Variants in EFCAB6 observed in about 807,000 individuals in gnomAD.
EFCAB6 encodes EF-hand calcium binding domain 6.
In EFCAB6, 156 loss-of-function variants were observed where a neutral mutation model predicts 169.8. That is an observed-to-expected ratio of 0.92 (90% CI 0.81 to 1.05). EFCAB6 has a LOEUF of 1.05. Among genes scored for constraint, EFCAB6 ranks in the 50% least tolerant of loss-of-function variants. The pLI is 0.00. For missense variants in EFCAB6, 1,800 were observed against 1,829.1 expected (o/e 0.98, Z 0.29); for synonymous variants, 698 against 676.4 (o/e 1.03, Z -0.50).
At chr22:43,595,138 G>T (rs142986262) in intron 23 of EFCAB6, among the ~76,000 whole-genome samples, 10 of 151,582 alleles carry the variant, frequency 6.6e-5, no homozygotes, top group East Asian at 5.8e-4. Flanking sequence ...GTGCTAAGAG[G>T]GACATGTATA....
intron 23 of EFCAB6, among the ~76,000 whole-genome samples, chr22:43,590,871 C>A (rs1486091155): frequency 6.6e-6 from 1 of 151,932 alleles, no homozygotes; most frequent in African/African-American, 2.4e-5. Flanking sequence ...ACAGCCAGTG[C>A]CAAGGCCCTA....
At chr22:43,719,865 G>C (rs1020156685) in intron 8 of EFCAB6, among the ~76,000 whole-genome samples, 1 of 152,194 alleles carries the variant, frequency 6.6e-6, no homozygotes, top group African/African-American at 2.4e-5. Context: ...TCATGGAAGA[G>C]CAGTATCAAT....
In EFCAB6 at chr22:43,576,475, A is replaced by G; in HGVS notation, c.3242T>C (p.Leu1081Ser). The change falls in exon 26 of 32, where the codon TTG (leucine) becomes TCG (serine). Residue 1081 changes from leucine (L) to serine (S), a missense_variant. Transcript: ENST00000262726. ...TACAAATCCTGTATCCTCTTTATCC[A>G]ATGCAGAAAATGCCTAAAAAGAAAG... Reference protein sequence around the residue: ...QLALSTAFSALDKEDTGFVKA... With the variant: ...QLALSTAFSASDKEDTGFVKA... 6.5e-7 allele frequency: 1 copy of G among 1,535,608 alleles called. No homozygotes were observed. The highest frequency in any genetic ancestry group is 8.7e-7 in the Non-Finnish European group (1 of 1,149,612).
At chr22:43,798,865 C>T (rs1279600841) in intron 2 of EFCAB6, among the ~76,000 whole-genome samples, 1 of 152,216 alleles carries the variant, frequency 6.6e-6, no homozygotes, top group African/African-American at 2.4e-5. Flanking sequence ...TCTTCTGCCT[C>T]TCTGCATCCC....
chr22:43,761,030 G>A (rs1357658666), intron 5 of EFCAB6, among the ~76,000 whole-genome samples: 2 of 152,170 alleles, frequency 1.3e-5, no homozygotes, highest in African/African-American at 4.8e-5. Context: ...CTTCTTGATT[G>A]ACACACAGGT....
At chr22:43,743,899 G>GATGC (rs1191611248) in intron 6 of EFCAB6, among the ~76,000 whole-genome samples, 3 of 150,684 alleles carry the variant, frequency 2.0e-5, no homozygotes, top group African/African-American at 7.3e-5. Flanking sequence ...TGGATGGATG[G>GATGC]ATGGGTGGGT....
intron 6 of EFCAB6, among the ~76,000 whole-genome samples, chr22:43,741,391 C>G (rs2060364959): frequency 6.6e-6 from 1 of 152,186 alleles, no homozygotes. Context: ...ATGCACCAAG[C>G]TTGCTCATGC....
chr22:43,749,629 C>T (rs969934728), intron 6 of EFCAB6, among the ~76,000 whole-genome samples: 3 of 152,142 alleles, frequency 2.0e-5, no homozygotes, highest in African/African-American at 7.2e-5. Flanking sequence ...AGGCGGAGCT[C>T]AGGCGGTGAT....
chr22:43,733,296 A>G (rs1378775759), intron 7 of EFCAB6, among the ~76,000 whole-genome samples: 3 of 152,232 alleles, frequency 2.0e-5, no homozygotes, highest in Non-Finnish European at 4.4e-5. Flanking sequence ...CACCACCTGG[A>G]ACTGGGTTTC....
In EFCAB6 at chr22:43,765,293, CCAAA is replaced by C; in HGVS notation, c.440+8_440+11del. 1 of 1,604,392 alleles carries C rather than the reference CCAAA, an allele frequency of 6.2e-7. No homozygotes were observed. The highest frequency in any genetic ancestry group is 8.5e-7 in the Non-Finnish European group (1 of 1,172,188). On this transcript the variant is annotated splice_region_variant and intron_variant, in intron 5 of 31. Transcript: ENST00000262726. ...AATTTCACATTTTCACATGAGCAAA[CCAAA>C]CACTTACCTCTTTATACCATTTATA...
At chr22:43,601,759 C>T (rs116437976) in intron 22 of EFCAB6, among the ~76,000 whole-genome samples, 3 of 152,364 alleles carry the variant, frequency 2.0e-5, no homozygotes, top group African/African-American at 4.8e-5. Context: ...TGTTGCTTCA[C>T]GCACTTGTGC....
At chr22:43,644,288 G>T (rs962901529) in intron 17 of EFCAB6, among the ~76,000 whole-genome samples, 3 of 152,106 alleles carry the variant, frequency 2.0e-5, no homozygotes, top group Non-Finnish European at 4.4e-5. Flanking sequence ...ACATATTAGT[G>T]GTCAGGGGAG....
In EFCAB6 at chr22:43,744,416, A is replaced by G. The variant is rs1456173143; in HGVS notation, c.508-8423T>C. On this transcript the variant is annotated intron_variant, in intron 6 of 31. Transcript: ENST00000262726. The surrounding 1 kb of genome is among the most constrained non-coding windows in gnomAD (Gnocchi z 4.3). ...TACCTGGGAAGAGGAACTGAGACTC[A>G]GACAGACACAGCAGAGCAAGGCAGA... Among the ~76,000 whole-genome samples, 1 of 152,240 alleles carries G rather than the reference A, an allele frequency of 6.6e-6. No homozygotes were observed. Among genetic ancestry groups the G allele is most frequent in the Non-Finnish European group, 1.5e-5 (1 of 68,046 alleles).
At chr22:43,576,610 A>G (rs2050273284) in intron 25 of EFCAB6, 122 bp from the exon 26 acceptor site, 1 of 745,294 alleles carries the variant, frequency 1.3e-6, no homozygotes, top group Admixed American at 4.1e-5. Flanking sequence ...AGTACCTTGT[A>G]AATTCTAAAT....
At chr22:43,685,782 C>T (rs879692836) in intron 11 of EFCAB6, among the ~76,000 whole-genome samples, 6 of 152,060 alleles carry the variant, frequency 3.9e-5, no homozygotes, top group Non-Finnish European at 7.4e-5. Context: ...ACTTTTTGAC[C>T]TATTTCTTTA....
chr22:43,784,576 T>TATGTATGTATAC (rs2061969952), intron 2 of EFCAB6, among the ~76,000 whole-genome samples: 1 of 84,112 alleles, frequency 1.2e-5, no homozygotes, highest in African/African-American at 4.6e-5. Flanking sequence ...TATGTGTACA[T>TATGTATGTATAC]ATACACATAT....
chr22:43,735,570 GGT>G (rs2060104561), intron 7 of EFCAB6, among the ~76,000 whole-genome samples: 1 of 152,168 alleles, frequency 6.6e-6, no homozygotes, highest in African/African-American at 2.4e-5. Context: ...AGAGACAATT[GGT>G]GATGGATTAC....
At chr22:43,542,692 G>A (rs1046382462) in intron 27 of EFCAB6, among the ~76,000 whole-genome samples, 2 of 152,112 alleles carry the variant, frequency 1.3e-5, no homozygotes, top group African/African-American at 4.8e-5. Context: ...AGGCAGCACC[G>A]GAGGAAATAG....
chr22:43,719,722 A>C (rs1013632751), intron 8 of EFCAB6, among the ~76,000 whole-genome samples: 1 of 152,222 alleles, frequency 6.6e-6, no homozygotes, highest in Admixed American at 6.5e-5. Flanking sequence ...AAGAAGAGAT[A>C]GAAAACAGTA....
Sources: allele counts gnomAD v4.1 joint callset (sites outside exome capture counted in the v4.1 genomes callset), GRCh38; gene constraint gnomAD v4.1.1; non-coding constraint Gnocchi (gnomAD v3.1); transcripts MANE v1.5; gene names NCBI Gene and HGNC (gene_info 2026-07-23, HGNC 2026-07-21).